The following RBFOX1 variants were observed in gnomAD, a reference collection of about 807,000 sequenced individuals.
RBFOX1 encodes the protein RNA binding fox-1 homolog 1.
In RBFOX1, 8 loss-of-function variants were observed where a neutral mutation model predicts 57.7. That is an observed-to-expected ratio of 0.14 (90% CI 0.08 to 0.25). The LOEUF (loss-of-function observed/expected upper bound fraction) is 0.25, where lower values mean the gene tolerates loss of function less well. Among genes scored for constraint, RBFOX1 ranks in the 10% least tolerant of loss-of-function variants. RBFOX1 has a pLI of 1.00. For synonymous variants in RBFOX1, 326 were observed against 222.4 expected, an observed-to-expected ratio of 1.47 and a Z score of -4.15; for missense variants, 611 against 548.5, an observed-to-expected ratio of 1.11 and a Z score of -1.14.
intron 1 of RBFOX1, among the ~76,000 whole-genome samples, chr16:5,403,466 C>T (rs1034708151): frequency 7.2e-5 from 11 of 151,746 alleles, no homozygotes; most frequent in African/African-American, 2.4e-4. Context: ...TTTTTTGAGA[C>T]GGAGTGTCAC....
rs2083909426 is a variant in RBFOX1, at chr16:7,710,883, A to T, written c.*138A>T. ...ATACAAATAAAAAGGAAAAAAAATT[A>T]CATTTTTTATCTTATACCTCAGATA... On this transcript the variant is annotated 3_prime_UTR_variant, in exon 16 of 16. Coordinates refer to ENST00000550418, the MANE Select transcript of RBFOX1 (RefSeq NM_018723.4). 2 of 919,028 alleles carry T rather than the reference A, an allele frequency of 2.2e-6. No homozygotes were observed. The highest frequency in any genetic ancestry group is 2.9e-6 in the Non-Finnish European group (2 of 685,094). The allele number at this position is 919,028 out of a possible 1,614,324, so 56.9% of individuals were successfully genotyped here.
intron 4 of RBFOX1, among the ~76,000 whole-genome samples, chr16:7,251,474 G>T (rs772192748): frequency 6.6e-6 from 1 of 150,392 alleles, no homozygotes; most frequent in African/African-American, 2.5e-5. Context: ...GCAGTGGCGC[G>T]GTCTTGGCTC....
chr16:6,815,159 G>GCTACA (rs1435734068), intron 3 of RBFOX1, among the ~76,000 whole-genome samples: 8 of 152,156 alleles, frequency 5.3e-5, no homozygotes, highest in Non-Finnish European at 1.2e-4. Flanking sequence ...AAACTGTCAT[G>GCTACA]GCGCTGGTGA....
intron 2 of RBFOX1, among the ~76,000 whole-genome samples, chr16:6,578,534 T>C (rs929897002): frequency 1.4e-5 from 2 of 148,052 alleles, no homozygotes; most frequent in African/African-American, 4.9e-5. Context: ...AGCACAAGCA[T>C]TCTGTCCTAA....
intron 3 of RBFOX1, among the ~76,000 whole-genome samples, chr16:5,827,668 GT>G (rs774115090): frequency 8.5e-5 from 13 of 152,292 alleles, no homozygotes; most frequent in Non-Finnish European, 1.6e-4. Flanking sequence ...CTGTTTTTTA[GT>G]TAAATTTTAG....
intron 4 of RBFOX1, among the ~76,000 whole-genome samples, chr16:7,388,038 G>A (rs56198081): frequency 6.6e-6 from 1 of 151,364 alleles, no homozygotes; most frequent in East Asian, 1.9e-4. Context: ...CCTTTTTTTT[G>A]TTTTGCTTTT....
At chr16:5,420,381 C>T (rs2067280125) in intron 1 of RBFOX1, among the ~76,000 whole-genome samples, 1 of 91,640 alleles carries the variant, frequency 1.1e-5, no homozygotes, top group African/African-American at 4.9e-5. Context: ...TATTCTCCAC[C>T]ACCCCCATAT....
chr16:6,585,711 T>G (rs988677677), intron 2 of RBFOX1, among the ~76,000 whole-genome samples: 2 of 151,530 alleles, frequency 1.3e-5, no homozygotes, highest in African/African-American at 4.9e-5. Context: ...CATGCACCTG[T>G]TCACTGCAGT....
Position 5,403,694 on chromosome 16 carries a change from C to T in RBFOX1, c.220-63522C>T, listed in dbSNP as rs576057951. ...TTCCTGACTTCAGTTGATCTGCCCGCCTCAGCCTCCCGAAGTGCTGGGGTT... is the reference window on the plus strand; with the variant it reads ...TTCCTGACTTCAGTTGATCTGCCCGTCTCAGCCTCCCGAAGTGCTGGGGTT... On this transcript the variant is annotated intron_variant, in intron 1 of 2. Transcript: ENST00000585867. 3.9e-5 allele frequency among the ~76,000 whole-genome samples: 6 copies of T among 152,268 alleles called. 1 individual carries two copies. Among genetic ancestry groups the T allele is most frequent in the Admixed American group, 3.9e-4 (6 of 15,292 alleles).
At chr16:7,058,597 C>T (rs1014532912) in intron 4 of RBFOX1, among the ~76,000 whole-genome samples, 3 of 151,598 alleles carry the variant, frequency 2.0e-5, no homozygotes, top group Non-Finnish European at 2.9e-5. Flanking sequence ...TGTGCATGCG[C>T]ATGTGTCTTC....
chr16:7,245,892 A>T (rs1417968591), intron 4 of RBFOX1, among the ~76,000 whole-genome samples: 2 of 152,198 alleles, frequency 1.3e-5, no homozygotes, highest in African/African-American at 4.8e-5. Flanking sequence ...ACAGTCTTGC[A>T]AATAGATATT....
chr16:6,826,542 G>A (rs1047788816), intron 3 of RBFOX1, among the ~76,000 whole-genome samples: 4 of 151,944 alleles, frequency 2.6e-5, no homozygotes, highest in African/African-American at 7.3e-5. Context: ...ACAGTCTTCC[G>A]GGCATACGTG....
intron 4 of RBFOX1, among the ~76,000 whole-genome samples, chr16:7,238,130 A>G (rs2093867862): frequency 6.6e-6 from 1 of 152,214 alleles, no homozygotes; most frequent in South Asian, 2.1e-4. Flanking sequence ...AGGTGCCCAT[A>G]GTTGTCAAAT....
chr16:6,995,340 G>T (rs1038778887), intron 3 of RBFOX1, among the ~76,000 whole-genome samples: 2 of 148,550 alleles, frequency 1.3e-5, no homozygotes, highest in Admixed American at 6.8e-5. Flanking sequence ...GTTAGAAGTG[G>T]TGATCCTGCT....
chr16:6,614,575 A>T (rs2098116637), intron 2 of RBFOX1, among the ~76,000 whole-genome samples: 1 of 152,032 alleles, frequency 6.6e-6, no homozygotes, highest in Non-Finnish European at 1.5e-5. Flanking sequence ...GTCTTCGCCT[A>T]GTTCTGGAGG....
At chr16:7,137,139 C>T (rs1300222013) in intron 4 of RBFOX1, among the ~76,000 whole-genome samples, 1 of 152,202 alleles carries the variant, frequency 6.6e-6, no homozygotes, top group Non-Finnish European at 1.5e-5. Flanking sequence ...AAGAATGATG[C>T]AGTGGGTTTC....
intron 4 of RBFOX1, among the ~76,000 whole-genome samples, chr16:7,080,442 C>T (rs777242708): frequency 6.6e-6 from 1 of 152,178 alleles, no homozygotes; most frequent in Non-Finnish European, 1.5e-5. Flanking sequence ...AAAGTAATGA[C>T]TGTTTGTACT....
chr16:7,073,613 G>C (rs1478658833), intron 4 of RBFOX1, among the ~76,000 whole-genome samples: 1 of 152,106 alleles, frequency 6.6e-6, no homozygotes, highest in Non-Finnish European at 1.5e-5. Context: ...GGAGGTCGAG[G>C]TGAGTGGAGC....
chr16:7,045,985 A>T (rs1348897275), intron 3 of RBFOX1, among the ~76,000 whole-genome samples: 1 of 152,076 alleles, frequency 6.6e-6, no homozygotes, highest in East Asian at 1.9e-4. Context: ...AATTAACGAA[A>T]ATCAATGCTA....
Sources: allele counts gnomAD v4.1 joint callset (sites outside exome capture counted in the v4.1 genomes callset), GRCh38; gene constraint gnomAD v4.1.1; transcripts MANE v1.5; gene names NCBI Gene and HGNC (gene_info 2026-07-23, HGNC 2026-07-21).